Variants in ZNF227 observed in about 807,000 individuals in gnomAD.
ZNF227 encodes the protein zinc finger protein 227.
A neutral mutation model predicts 13.2 loss-of-function variants in ZNF227; 12 were observed. The ratio of observed to expected loss-of-function variants is 0.91; its 90% CI spans 0.58 to 1.47. The LOEUF is 1.47. Among genes scored for constraint, ZNF227 ranks in the 40% most tolerant of loss-of-function variants. The pLI, the probability that ZNF227 is intolerant of heterozygous loss-of-function variation, is 0.00. For missense variants in ZNF227, 885 were observed against 967.5 expected (o/e 0.91, Z 1.13); for synonymous variants, 338 against 326.0 (o/e 1.04, Z -0.40).
chr19:44,212,261 C>G (rs1270060416), upstream of ZNF227, among the ~76,000 whole-genome samples: 1 of 151,920 alleles, frequency 6.6e-6, no homozygotes, highest in Non-Finnish European at 1.5e-5. Flanking sequence ...CTGCTTCAGC[C>G]TGGCTAAACA....
At chr19:44,224,761 A>AT (rs1460486732) in intron 3 of ZNF227, among the ~76,000 whole-genome samples, 1 of 152,164 alleles carries the variant, frequency 6.6e-6, no homozygotes, top group Non-Finnish European at 1.5e-5. Context: ...CATTTAGCCC[A>AT]TTTACATTTA....
intron 5 of ZNF227, among the ~76,000 whole-genome samples, chr19:44,231,476 G>A (rs1973840226): frequency 6.6e-6 from 1 of 151,942 alleles, no homozygotes; most frequent in Admixed American, 6.6e-5. Context: ...GGGATTACAG[G>A]CGCCTGCCAC....
intron 5 of ZNF227, among the ~76,000 whole-genome samples, chr19:44,233,806 A>T (rs1285739645): frequency 6.6e-6 from 1 of 152,122 alleles, no homozygotes; most frequent in Admixed American, 6.6e-5. Flanking sequence ...TGAGGAGGAG[A>T]ATCTCTTGAA....
At position 44,234,764 on chromosome 19, in the gene ZNF227, C is replaced by G. The variant is rs1264674166; in HGVS notation, c.334C>G (p.Gln112Glu). ...QKFALKYLSN[Q>E]ELSCWQIWKQ... The stretch of plus-strand genomic sequence containing the variant: ...ATTTGCATTAAAATACCTTTCAAAT[C>G]AAGAGCTGTCCTGCTGGCAAATCTG... Residue 112 changes from glutamine to glutamate, a missense_variant, in exon 6 of 6, where the codon CAA (glutamine) becomes GAA (glutamate). Transcript: ENST00000313040. The G allele has an allele frequency of 6.2e-7, 1 of 1,610,112 alleles. No individual in the cohort carries two copies. Among genetic ancestry groups the G allele is most frequent in the Non-Finnish European group, 8.5e-7 (1 of 1,179,074 alleles).
intron 5 of ZNF227, among the ~76,000 whole-genome samples, chr19:44,230,926 A>AAAAAAAAAAAAAAAAAATATAT (rs1555792168): frequency 1.0e-4 from 7 of 68,108 alleles, no homozygotes; most frequent in African/African-American, 5.9e-4. Flanking sequence ...AAAAAAAAAA[A>AAAAAAAAAAAAAAAAAATATAT]ATATATATAT....
Position 44,236,017 on chromosome 19 carries a change from C to A in ZNF227, c.1587C>A (p.Phe529Leu). The A allele has an allele frequency of 6.2e-7, 1 of 1,613,728 alleles. No individual in the cohort carries two copies. The highest frequency in any genetic ancestry group is 8.5e-7 in the Non-Finnish European group (1 of 1,179,938). ...AGTGTGAAACGTGTGGGAAGGGCTT[C>A]AGTCAGTCCTCAAAGCTTCAAACCC... is the stretch of plus-strand genomic sequence containing the variant. Reference protein sequence around the residue: ...RFKCETCGKGFSQSSKLQTHQ... With the variant: ...RFKCETCGKGLSQSSKLQTHQ... The change falls in exon 6 of 6, where the codon TTC becomes TTA. Residue 529 changes from phenylalanine (F) to leucine (L), a missense_variant. Coordinates refer to ENST00000313040, the MANE Select transcript of ZNF227 (RefSeq NM_182490.3).
chr19:44,232,818 A>G (rs532261169), intron 5 of ZNF227, among the ~76,000 whole-genome samples: 84 of 152,128 alleles, frequency 5.5e-4, no homozygotes, highest in African/African-American at 2.0e-3. Flanking sequence ...GCCTGCCACC[A>G]TGCCAGGCTA....
Position 44,235,387 on chromosome 19 carries a change from A to G in ZNF227, c.957A>G (p.Thr319=), listed in dbSNP as rs750812487. 2.5e-6 allele frequency: 4 copies of G among 1,614,222 alleles called. No homozygotes were observed. The highest frequency in any genetic ancestry group is 3.4e-6 in the Non-Finnish European group (4 of 1,180,040). ...SSFHSYQSNH[T]GEKSYRCDSC... is the part of the protein sequence containing the mutation. Reference sequence around the variant, plus strand: ...TTCATTCTTATCAATCTAATCATACAGGAGAGAAGTCTTATAGATGCGACA... The same window carrying G: ...TTCATTCTTATCAATCTAATCATACGGGAGAGAAGTCTTATAGATGCGACA... The change falls in exon 6 of 6, where the codon ACA becomes ACG. Residue 319 remains threonine (T), a synonymous_variant. Coordinates refer to ENST00000313040, the MANE Select transcript of ZNF227 (RefSeq NM_182490.3).
In ZNF227 at chr19:44,235,735, C is replaced by G. The variant is rs751373760; in HGVS notation, c.1305C>G (p.Pro435=). The G allele has an allele frequency of 6.2e-7, 1 of 1,608,224 alleles. No individual in the cohort carries two copies. The highest frequency in any genetic ancestry group is 8.5e-7 in the Non-Finnish European group (1 of 1,178,190). The change falls in exon 6 of 6, where the codon CCC becomes CCG. Residue 435 remains proline, a synonymous_variant. Transcript: ENST00000313040. ...IHQRVHTGEK[P]YKCDVCGKGF... The stretch of plus-strand genomic sequence containing the variant: ...AGAGAGTCCACACTGGAGAGAAACC[C>G]TACAAGTGTGATGTGTGTGGTAAGG...
At chr19:44,228,281 G>A (rs1343078532) in intron 3 of ZNF227, 165 bp from the exon 4 acceptor site, 5 of 712,432 alleles carry the variant, frequency 7.0e-6, no homozygotes, top group Non-Finnish European at 1.1e-5. Flanking sequence ...ATGGGGATGA[G>A]CGTAGGAGAT....
chr19:44,234,723 T>C lies in ZNF227; in HGVS notation c.293T>C (p.Met98Thr), dbSNP rs775987458. ...ATAGGCAGCAAGCATCAAAATAAGATGGAAACACTCCAAAAATTTGCATTA... is the reference window on the plus strand; with the variant it reads ...ATAGGCAGCAAGCATCAAAATAAGACGGAAACACTCCAAAAATTTGCATTA... ...TQRSSKHQNKMETLQKFALKY... is the reference protein window; with the variant it reads ...TQRSSKHQNKTETLQKFALKY... Residue 98 changes from methionine to threonine, a missense_variant, in exon 6 of 6, where the codon ATG (methionine) becomes ACG (threonine). Coordinates refer to ENST00000313040, the MANE Select transcript of ZNF227 (RefSeq NM_182490.3). 3 of 1,596,802 alleles carry C rather than the reference T, an allele frequency of 1.9e-6. No homozygotes were observed. Among genetic ancestry groups the C allele is most frequent in the Admixed American group, 1.8e-5 (1 of 54,714 alleles).
At chr19:44,226,343 T>C (rs10426314) in intron 3 of ZNF227, among the ~76,000 whole-genome samples, 21,282 of 152,220 alleles carry the variant, frequency 0.14, 3,758 homozygotes, top group African/African-American at 0.4. Context: ...GCAGAGGTTA[T>C]TGCTGTCTTT....
upstream of ZNF227, among the ~76,000 whole-genome samples, chr19:44,210,745 G>T (rs7247369): frequency 0.13 from 19,085 of 152,250 alleles, 1,705 homozygotes; most frequent in East Asian, 0.41. Flanking sequence ...ATTCCTGTTT[G>T]TGCGACTTGT....
intron 5 of ZNF227, among the ~76,000 whole-genome samples, chr19:44,232,399 T>C (rs575123330): frequency 2.0e-5 from 3 of 152,348 alleles, no homozygotes; most frequent in African/African-American, 7.2e-5. Context: ...TGCTCACCTC[T>C]GACCAAGTAG....
chr19:44,218,302 A>G (rs1387715216), intron 3 of ZNF227, among the ~76,000 whole-genome samples: 3 of 152,236 alleles, frequency 2.0e-5, no homozygotes, highest in Non-Finnish European at 4.4e-5. Context: ...TAAGAATTTT[A>G]CTACTTTAAA....
At chr19:44,217,043 A>C (rs2122697284) in intron 2 of ZNF227, among the ~76,000 whole-genome samples, 1 of 148,764 alleles carries the variant, frequency 6.7e-6, no homozygotes, top group East Asian at 2.0e-4. Context: ...GCTCACTATA[A>C]CCTCCACCTT....
upstream of ZNF227, among the ~76,000 whole-genome samples, chr19:44,210,585 G>A (rs973754684): frequency 2.6e-5 from 4 of 152,198 alleles, no homozygotes; most frequent in African/African-American, 4.8e-5. Context: ...GATGAAGACC[G>A]TCACCCAGGA....
chr19:44,232,059 A>G (rs1247261463), intron 5 of ZNF227, among the ~76,000 whole-genome samples: 2 of 152,164 alleles, frequency 1.3e-5, no homozygotes, highest in African/African-American at 4.8e-5. Flanking sequence ...TAACCTACAT[A>G]CAGTAGTTCT....
In ZNF227 at chr19:44,236,731, T is replaced by C. The variant is rs766364895; in HGVS notation, c.2301T>C (p.Thr767=). Residue 767 remains threonine, a synonymous_variant, in exon 6 of 6, where the codon ACT becomes ACC. Transcript: ENST00000313040. ...ARLEAHQRVH[T]GEKPYKCDIC... ...TTGAAGCCCATCAGAGAGTCCACAC[T>C]GGAGAAAAACCATACAAATGTGACA... 1 of 1,614,154 alleles carries C rather than the reference T, an allele frequency of 6.2e-7. No individual in the cohort carries two copies.
Sources: gnomAD v4.1 joint callset for allele counts (sites outside exome capture counted in the v4.1 genomes callset) on GRCh38, gnomAD v4.1.1 for gene constraint, MANE v1.5 for transcripts, NCBI Gene and HGNC (gene_info 2026-07-23, HGNC 2026-07-21) for gene names.